Variants in ZFAND5 observed in about 807,000 individuals in gnomAD.
ZFAND5 encodes zinc finger AN1-type containing 5, also known as AN1-type zinc finger protein 5.
A neutral mutation model predicts 23.6 loss-of-function variants in ZFAND5; 4 were observed. The ratio of observed to expected loss-of-function variants is 0.17; its 90% CI spans 0.08 to 0.39. The LOEUF is 0.39. ZFAND5 is among the 10% of genes least tolerant of loss of function. The pLI is 1.00. For missense variants in ZFAND5, 161 were observed against 253.7 expected, an observed-to-expected ratio of 0.63 and a Z score of 2.48; for synonymous variants, 68 against 80.6, an observed-to-expected ratio of 0.84 and a Z score of 0.84.
chr9:72,360,083 T>TA (rs764923268), intron 4 of ZFAND5, 27 bp downstream of exon 4: 5 of 1,583,072 alleles, frequency 3.2e-6, no homozygotes, highest in Non-Finnish European at 4.3e-6. Flanking sequence ...TGTAATATCA[T>TA]AAAAACTCTG....
chr9:72,358,090 T>C (rs955884201), intron 5 of ZFAND5, among the ~76,000 whole-genome samples: 3 of 152,140 alleles, frequency 2.0e-5, no homozygotes, highest in Admixed American at 6.5e-5. Context: ...GCTATTAGCA[T>C]ATAGACAAGC....
Position 72,354,598 on chromosome 9 carries a change from G to A in ZFAND5, c.*1355C>T, listed in dbSNP as rs1016445616. Reference sequence around the variant, plus strand: ...ACTCAGAACTAAGGTACATAAAATTGAAAGCAAAACTGAATGCTTTAAGAA... The same window carrying A: ...ACTCAGAACTAAGGTACATAAAATTAAAAGCAAAACTGAATGCTTTAAGAA... On this transcript the variant is annotated 3_prime_UTR_variant, in exon 7 of 7. Transcript: ENST00000376962. 2 of 152,610 alleles carry A rather than the reference G, an allele frequency of 1.3e-5. No homozygotes were observed. The highest frequency in any genetic ancestry group is 2.9e-5 in the Non-Finnish European group (2 of 68,034). 9.5% of individuals were successfully genotyped at this position (152,610 alleles called of 1,614,324 possible). A position where few individuals can be genotyped will look rare whatever the true frequency, so the allele number is the denominator to read the frequency against.
intron 5 of ZFAND5, among the ~76,000 whole-genome samples, chr9:72,357,430 A>C (rs1012610915): frequency 6.6e-6 from 1 of 152,172 alleles, no homozygotes; most frequent in African/African-American, 2.4e-5. Context: ...CAAACTTTTC[A>C]ATCAGGGCAG....
At chr9:72,358,157 T>C (rs1841997333) in intron 5 of ZFAND5, among the ~76,000 whole-genome samples, 1 of 152,140 alleles carries the variant, frequency 6.6e-6, no homozygotes, top group Non-Finnish European at 1.5e-5. Context: ...TGCCCAAATT[T>C]ATAATTCAAT....
At position 72,352,679 on chromosome 9, in the gene ZFAND5, C is replaced by T. The variant is rs888412954; in HGVS notation, c.*3274G>A. The T allele has an allele frequency of 1.3e-5, 2 of 152,206 alleles. No homozygotes were observed. The highest frequency in any genetic ancestry group is 2.4e-5 in the African/African-American group (1 of 41,448). 9.4% of individuals were successfully genotyped at this position (152,206 alleles called of 1,614,324 possible). On this transcript the variant is annotated 3_prime_UTR_variant, in exon 7 of 7. Coordinates refer to ENST00000376962, the MANE Select transcript of ZFAND5 (RefSeq NM_001102420.3). ...GACTTTAAACTGCAAGTTTAAATAA[C>T]AAATCTTTATCTTTTCACTATACAA...
chr9:72,357,032 A>G lies in ZFAND5; in HGVS notation c.392T>C (p.Val131Ala), dbSNP rs201109636. Reference protein sequence around the residue: ...EPVVTQPSPSVSQPSTSQSEE... With the variant: ...EPVVTQPSPSASQPSTSQSEE... ...ACTCTGAGAAGTACTGGGCTGAGAA[A>G]CTGATGGACTGGGCTGAGTGACAAC... Residue 131 changes from valine to alanine, a missense_variant, in exon 6 of 7, where the codon GTT becomes GCT. Physicochemically the swap from Val to Ala is moderately conservative, Grantham distance 64. This residue lies in a region of ZFAND5 where 116 missense variants were observed against 115.2 expected (regional missense o/e 1.01). Transcript: ENST00000376962. The G allele has an allele frequency of 3.1e-6, 5 of 1,613,614 alleles. 1 individual carries two copies. Among genetic ancestry groups the G allele is most frequent in the Middle Eastern group, 3.3e-4 (2 of 6,052 alleles).
At chr9:72,359,612 A>G (rs764144995) in intron 4 of ZFAND5, 91 bp from the exon 5 acceptor site, 49 of 1,208,836 alleles carry the variant, frequency 4.1e-5, no homozygotes, top group Non-Finnish European at 5.3e-5. Context: ...AAATTATAGA[A>G]TATTTCCAAA....
intron 6 of ZFAND5, 125 bp downstream of exon 6, chr9:72,356,806 G>A: frequency 8.2e-7 from 1 of 1,221,088 alleles, no homozygotes; most frequent in South Asian, 1.9e-5. Context: ...ACCTTTCCTA[G>A]ACTACAGCTA....
Position 72,355,280 on chromosome 9 carries a change from T to C in ZFAND5, c.*673A>G, listed in dbSNP as rs568927328. 6.5e-6 allele frequency: 1 copy of C among 152,796 alleles called. No individual in the cohort carries two copies. Among genetic ancestry groups the C allele is most frequent in the South Asian group, 2.1e-4 (1 of 4,830 alleles). 9.5% of individuals were successfully genotyped at this position (152,796 alleles called of 1,614,324 possible). ...CATCTTCTGGTGCAGGCCAGTACAA[T>C]AAGCTTCAAAGGTTATCTCAAGACC... On this transcript the variant is annotated 3_prime_UTR_variant, in exon 7 of 7. Transcript: ENST00000376962.
At chr9:72,361,925 A>T (rs1337492463) in intron 2 of ZFAND5, among the ~76,000 whole-genome samples, 1 of 152,320 alleles carries the variant, frequency 6.6e-6, no homozygotes, top group Middle Eastern at 3.4e-3. Context: ...TTCCAACTAC[A>T]TACTAGAATA....
intron 1 of ZFAND5, 137 bp from the exon 2 acceptor site, chr9:72,363,743 A>T (rs1032396956): frequency 6.0e-6 from 4 of 667,838 alleles, no homozygotes; most frequent in Non-Finnish European, 7.4e-6. Flanking sequence ...CCTACTCTTT[A>T]AAAAAAATCC....
At position 72,355,792 on chromosome 9, in the gene ZFAND5, A is replaced by G; in HGVS notation, c.*161T>C. On this transcript the variant is annotated 3_prime_UTR_variant, in exon 7 of 7. Coordinates refer to ENST00000376962, the MANE Select transcript of ZFAND5 (RefSeq NM_001102420.3). Reference sequence around the variant, plus strand: ...CTGTATCTATCCAATTCTGCCTGTAACAAACACCCAAACATCCTAAAATAT... The same window carrying G: ...CTGTATCTATCCAATTCTGCCTGTAGCAAACACCCAAACATCCTAAAATAT... The G allele has an allele frequency of 2.9e-6, 2 of 695,416 alleles. No homozygotes were observed. Among genetic ancestry groups the G allele is most frequent in the South Asian group, 2.4e-5 (1 of 40,996 alleles). 43.1% of individuals were successfully genotyped at this position (695,416 alleles called of 1,614,324 possible).
intron 2 of ZFAND5, among the ~76,000 whole-genome samples, chr9:72,361,019 T>C (rs531319214): frequency 3.7e-4 from 56 of 152,182 alleles, no homozygotes; most frequent in Non-Finnish European, 6.8e-4. Flanking sequence ...TATTAGGGTA[T>C]TTTTACCTAT....
intron 5 of ZFAND5, 135 bp from the exon 6 acceptor site, chr9:72,357,191 T>G: frequency 4.6e-6 from 5 of 1,076,268 alleles, no homozygotes; most frequent in Non-Finnish European, 6.4e-6. Flanking sequence ...ATACAAGCTT[T>G]AAACAGAATC....
rs962172664 is a variant in ZFAND5 at position 72,352,785 on chromosome 9, A to T, written c.*3168T>A. 1 of 152,234 alleles carries T rather than the reference A, an allele frequency of 6.6e-6. No homozygotes were observed. Among genetic ancestry groups the T allele is most frequent in the African/African-American group, 2.4e-5 (1 of 41,464 alleles). The allele number at this position is 152,234 out of a possible 1,614,324, so 9.4% of individuals were successfully genotyped here. A position where few individuals can be genotyped will look rare whatever the true frequency, so the allele number is the denominator to read the frequency against. On this transcript the variant is annotated 3_prime_UTR_variant, in exon 7 of 7. Coordinates refer to ENST00000376962, the MANE Select transcript of ZFAND5 (RefSeq NM_001102420.3). ...ATTCCAGAACATTAAGACAATAGCA[A>T]ATACAATGTGCCAGGCACAGTTTTA... is the stretch of plus-strand genomic sequence containing the variant.
Position 72,355,080 on chromosome 9 carries a change from A to C in ZFAND5, c.*873T>G, listed in dbSNP as rs1841902587. 6.5e-6 allele frequency: 1 copy of C among 152,686 alleles called. No individual in the cohort carries two copies. The highest frequency in any genetic ancestry group is 2.1e-4 in the South Asian group (1 of 4,834). 9.5% of individuals were successfully genotyped at this position (152,686 alleles called of 1,614,324 possible). A position where few individuals can be genotyped will look rare whatever the true frequency, so the allele number is the denominator to read the frequency against. The stretch of plus-strand genomic sequence containing the variant: ...TCTTTCTTGAACCAAAACATTCGAC[A>C]AAAGATGCACATGAAAAATTATTCA... On this transcript the variant is annotated 3_prime_UTR_variant, in exon 7 of 7. Transcript: ENST00000376962.
At chr9:72,358,273 T>A (rs555974830) in intron 5 of ZFAND5, among the ~76,000 whole-genome samples, 1 of 152,112 alleles carries the variant, frequency 6.6e-6, no homozygotes, top group Non-Finnish European at 1.5e-5. Flanking sequence ...CCTGATGTCA[T>A]GAGGATAAAG....
At chr9:72,360,839 T>TG in intron 2 of ZFAND5, 52 bp from the exon 3 acceptor site, 1 of 1,514,566 alleles carries the variant, frequency 6.6e-7, no homozygotes, top group South Asian at 1.3e-5. Flanking sequence ...AAATATAGTC[T>TG]AATATAATCA....
rs7869129 is a variant in ZFAND5, at chr9:72,361,457, G to C, written c.-9-670C>G. 5.7e-3 allele frequency among the ~76,000 whole-genome samples: 872 copies of C among 152,296 alleles called. 8 individuals are homozygous for C. Among genetic ancestry groups the C allele is most frequent in the African/African-American group, 0.02 (814 of 41,564 alleles). ...TTCTCCATTTGAAGTTTCAGAGTAT[G>C]TCAAAGCCAGTGCCTAGGAACCTGC... On this transcript the variant is annotated intron_variant, in intron 2 of 6. Coordinates refer to ENST00000376962, the MANE Select transcript of ZFAND5 (RefSeq NM_001102420.3).
Sources: gnomAD v4.1 joint callset for allele counts (sites outside exome capture counted in the v4.1 genomes callset) on GRCh38, gnomAD v4.1.1 for gene constraint, gnomAD v4.1.1 regional missense constraint, MANE v1.5 for transcripts, NCBI Gene and HGNC (gene_info 2026-07-23, HGNC 2026-07-21) for gene names.